Variants in MGA observed in about 807,000 individuals in gnomAD.
MGA encodes MAX gene-associated protein.
A neutral mutation model predicts 261.1 loss-of-function variants in MGA; 40 were observed. That is an observed-to-expected ratio of 0.15 (90% confidence interval 0.12 to 0.20). The LOEUF is 0.20. MGA is among the 10% of genes least tolerant of loss of function. The probability of loss-of-function intolerance (pLI) is 1.00; values close to 1 mark genes in which losing one functional copy is unlikely to be tolerated. For synonymous variants in MGA, 1,302 were observed against 1,290.6 expected (o/e 1.01, Z -0.19); for missense variants, 3,397 against 3,630.5 (o/e 0.94, Z 1.65).
intron 5 of MGA, among the ~76,000 whole-genome samples, chr15:41,702,207 G>C (rs1397367387): frequency 6.6e-6 from 1 of 151,906 alleles, no homozygotes; most frequent in Non-Finnish European, 1.5e-5. Context: ...TGCAATCCCA[G>C]CTACTTGGGA....
At position 41,760,402 on chromosome 15, in the gene MGA, A is replaced by G. The variant is rs1184332279; in HGVS notation, c.7271A>G (p.Tyr2424Cys). 3.1e-6 allele frequency: 5 copies of G among 1,613,930 alleles called. No individual in the cohort carries two copies. Among genetic ancestry groups the G allele is most frequent in the Non-Finnish European group, 4.2e-6 (5 of 1,179,906 alleles). ...AAAGAAGCAGAAGCGTTTGCTTATT[A>G]TCGCCGGACACACACTGCCAATGAG... is the stretch of plus-strand genomic sequence containing the variant. Residue 2424 changes from tyrosine (Y) to cysteine (C), a missense_variant, in exon 20 of 24, where the codon TAT becomes TGT. Physicochemically the swap from Tyr to Cys is radical, Grantham distance 194. Coordinates refer to ENST00000219905, the MANE Select transcript of MGA (RefSeq NM_001164273.2).
At chr15:41,644,642 G>C (rs1295406741) in intron 1 of MGA, among the ~76,000 whole-genome samples, 1 of 151,826 alleles carries the variant, frequency 6.6e-6, no homozygotes, top group Non-Finnish European at 1.5e-5. Flanking sequence ...CAGCCTGGGT[G>C]GACTCTGTCT....
intron 2 of MGA, among the ~76,000 whole-genome samples, chr15:41,686,093 T>G (rs2058950820): frequency 6.6e-6 from 1 of 152,160 alleles, no homozygotes; most frequent in Non-Finnish European, 1.5e-5. Context: ...ATAGAGTCCT[T>G]TAGAAATTTT....
rs28510088 is a variant in MGA, at chr15:41,765,070, G to T, written c.7921+8G>T. ...GTGCTGTGGCTCTACCAGGTATGTT[G>T]TAAGTGTTGTCCTCTATGGGAAGTG... On this transcript the variant is annotated splice_region_variant and intron_variant, in intron 23 of 23. Coordinates refer to ENST00000219905, the MANE Select transcript of MGA (RefSeq NM_001164273.2). 6.8e-6 allele frequency: 11 copies of T among 1,613,668 alleles called. No individual in the cohort carries two copies. Among genetic ancestry groups the T allele is most frequent in the South Asian group, 5.5e-5 (5 of 91,072 alleles).
intron 18 of MGA, among the ~76,000 whole-genome samples, chr15:41,757,176 C>T (rs1043810113): frequency 2.0e-5 from 3 of 152,112 alleles, no homozygotes; most frequent in African/African-American, 7.2e-5. Context: ...CTTGGTCCTC[C>T]TTCACGGATG....
chr15:41,725,821 C>T lies in MGA; in HGVS notation c.3431-1359C>T, dbSNP rs1309681271. On this transcript the variant is annotated intron_variant, in intron 9 of 23. Coordinates refer to ENST00000219905, the MANE Select transcript of MGA (RefSeq NM_001164273.2). ...CTGCACTCCAGCCTGGGCGACAGAG[C>T]GAGACTCCGTCTCAAAAAAAAAAAA... 5.2e-4 allele frequency among the ~76,000 whole-genome samples: 2 copies of T among 3,832 alleles called. 1 individual carries two copies. The highest frequency in any genetic ancestry group is 1.1e-3 in the African/African-American group (2 of 1,860). 2.5% of individuals were successfully genotyped at this position (3,832 alleles called of 152,430 possible).
chr15:41,621,968 A>T (rs540267882), intron 1 of MGA, among the ~76,000 whole-genome samples: 5 of 118,834 alleles, frequency 4.2e-5, no homozygotes, highest in African/African-American at 1.6e-4. Flanking sequence ...GTCGCCAAGC[A>T]GGGGGAGTGC....
intron 2 of MGA, among the ~76,000 whole-genome samples, chr15:41,670,669 C>A (rs1002630065): frequency 6.6e-6 from 1 of 152,110 alleles, no homozygotes; most frequent in Non-Finnish European, 1.5e-5. Flanking sequence ...CCACGCCCGG[C>A]TAATTTTTCT....
intron 11 of MGA, among the ~76,000 whole-genome samples, chr15:41,730,044 C>T (rs2061430557): frequency 6.6e-6 from 1 of 152,054 alleles, no homozygotes; most frequent in African/African-American, 2.4e-5. Flanking sequence ...AGGTGCCTGC[C>T]ACCACGTCTG....
Position 41,711,359 on chromosome 15 carries a change from T to A in MGA, c.3084+10T>A. ...TCTACTTACAGCTCAAGTAAGTAGC[T>A]GCTGTTTTCTGGAGGTATATTAGTG... is the stretch of plus-strand genomic sequence containing the variant. On this transcript the variant is annotated intron_variant, in intron 8 of 23. Transcript: ENST00000219905. The A allele has an allele frequency of 6.3e-7, 1 of 1,575,442 alleles. No individual in the cohort carries two copies. The highest frequency in any genetic ancestry group is 8.6e-7 in the Non-Finnish European group (1 of 1,162,128).
intron 3 of MGA, among the ~76,000 whole-genome samples, chr15:41,698,379 A>G (rs1752162430): frequency 6.6e-6 from 1 of 151,432 alleles, no homozygotes. Context: ...TGTGGCCAGG[A>G]TGGTCTCAAT....
At chr15:41,758,583 A>C (rs1433054675) in intron 19 of MGA, among the ~76,000 whole-genome samples, 1 of 152,174 alleles carries the variant, frequency 6.6e-6, no homozygotes, top group East Asian at 1.9e-4. Flanking sequence ...TTCAGATATA[A>C]CAAGAATTTT....
chr15:41,629,280 G>A (rs920750576), intron 1 of MGA, among the ~76,000 whole-genome samples: 1 of 152,042 alleles, frequency 6.6e-6, no homozygotes, highest in Admixed American at 6.6e-5. Flanking sequence ...GTGAAAGAGA[G>A]TAATCAAAGA....
intron 7 of MGA, among the ~76,000 whole-genome samples, chr15:41,708,942 A>T (rs1421926266): frequency 6.6e-6 from 1 of 152,248 alleles, no homozygotes; most frequent in Admixed American, 6.5e-5. Flanking sequence ...CAATTTAACC[A>T]GATAAATATG....
At position 41,690,325 on chromosome 15, in the gene MGA, T is replaced by G. The variant is rs544622455; in HGVS notation, c.1065-5750T>G. On this transcript the variant is annotated intron_variant, in intron 2 of 23. Transcript: ENST00000219905. ...TGTGTGGACATTACCACATTTTTTT[T>G]ATTCATCAGTTGGACAGTAAGGTTT... is the stretch of plus-strand genomic sequence containing the variant. Among the ~76,000 whole-genome samples, 4 of 152,248 alleles carry G rather than the reference T, an allele frequency of 2.6e-5. No individual in the cohort carries two copies. In the South Asian group the frequency reaches 8.3e-4, roughly 31 times the overall value.
rs1329277141 is a variant in MGA, at chr15:41,760,209, C to G, written c.7192-114C>G. On this transcript the variant is annotated intron_variant, in intron 19 of 23. Transcript: ENST00000219905. The stretch of plus-strand genomic sequence containing the variant: ...AAGATGACCAATTGAGAGGCTGTTA[C>G]AACAGTCCAGACAAAAGGTAATGAG... 11 of 960,882 alleles carry G rather than the reference C, an allele frequency of 1.1e-5. No individual in the cohort carries two copies. In the South Asian group the frequency reaches 1.3e-4, roughly 11 times the overall value. The allele number at this position is 960,882 out of a possible 1,614,324, so 59.5% of individuals were successfully genotyped here. A position where few individuals can be genotyped will look rare whatever the true frequency, so the allele number is the denominator to read the frequency against.
At chr15:41,683,952 T>C (rs1207221172) in intron 2 of MGA, among the ~76,000 whole-genome samples, 1 of 152,128 alleles carries the variant, frequency 6.6e-6, no homozygotes, top group East Asian at 1.9e-4. Context: ...TTTAAGTTCC[T>C]GGATACATGT....
rs1478350473 is a variant in MGA at position 41,734,601 on chromosome 15, A to G, written c.3916+7A>G. 1.3e-6 allele frequency: 2 copies of G among 1,569,748 alleles called. No individual in the cohort carries two copies. Among genetic ancestry groups the G allele is most frequent in the South Asian group, 2.3e-5 (2 of 86,514 alleles). The stretch of plus-strand genomic sequence containing the variant: ...GATTCTGATAAATTACAAGGTCAGA[A>G]TGAAAACTAGATCTTAACATTTGAT... On this transcript the variant is annotated splice_region_variant and intron_variant, in intron 12 of 23. Coordinates refer to ENST00000219905, the MANE Select transcript of MGA (RefSeq NM_001164273.2).
At chr15:41,695,019 A>G (rs1356362939) in intron 2 of MGA, among the ~76,000 whole-genome samples, 1 of 152,068 alleles carries the variant, frequency 6.6e-6, no homozygotes, top group East Asian at 1.9e-4. Context: ...TTGTTAGTGA[A>G]TATATATAGT....
Sources: allele counts gnomAD v4.1 joint callset (sites outside exome capture counted in the v4.1 genomes callset), GRCh38; gene constraint gnomAD v4.1.1; transcripts MANE v1.5; gene names NCBI Gene and HGNC (gene_info 2026-07-23, HGNC 2026-07-21).